The following NKAIN2 variants were observed in gnomAD, a reference collection of about 807,000 sequenced individuals.
NKAIN2 encodes sodium/potassium transporting ATPase interacting 2.
In NKAIN2, 14 loss-of-function variants were observed where a neutral mutation model predicts 32.6. The ratio of observed to expected loss-of-function variants is 0.43; its 90% CI spans 0.28 to 0.67. The LOEUF (loss-of-function observed/expected upper bound fraction) is 0.67. Ranked by LOEUF, NKAIN2 falls within the 30% of genes least tolerant of loss-of-function variation. The probability of loss-of-function intolerance (pLI) is 0.17; values close to 1 mark genes in which losing one functional copy is unlikely to be tolerated. For synonymous variants in NKAIN2, 80 were observed against 87.2 expected, an observed-to-expected ratio of 0.92 and a Z score of 0.46; for missense variants, 198 against 258.3, an observed-to-expected ratio of 0.77 and a Z score of 1.60.
chr6:123,879,507 A>G (rs1027679873), intron 1 of NKAIN2, among the ~76,000 whole-genome samples: 6 of 152,310 alleles, frequency 3.9e-5, no homozygotes, highest in Middle Eastern at 3.4e-3. Context: ...TTAGTGCTCC[A>G]GGTTATTGAC....
chr6:124,304,009 G>A (rs1346111955), intron 2 of NKAIN2, among the ~76,000 whole-genome samples: 1 of 152,188 alleles, frequency 6.6e-6, no homozygotes, highest in Non-Finnish European at 1.5e-5. Flanking sequence ...GGCAAACCAA[G>A]TTTTGGCATG....
chr6:124,515,199 A>G (rs1778857927), intron 3 of NKAIN2, among the ~76,000 whole-genome samples: 1 of 152,074 alleles, frequency 6.6e-6, no homozygotes. Context: ...ACTTTAAATC[A>G]TTCTGCCTTG....
intron 3 of NKAIN2, among the ~76,000 whole-genome samples, chr6:124,565,398 A>G (rs867255324): frequency 1.6e-4 from 25 of 152,222 alleles, no homozygotes; most frequent in African/African-American, 5.8e-4. Context: ...AGGGCAAAAT[A>G]TAATCCAAAC....
intron 3 of NKAIN2, among the ~76,000 whole-genome samples, chr6:124,410,774 T>C (rs1225109315): frequency 2.0e-5 from 3 of 152,190 alleles, no homozygotes; most frequent in Non-Finnish European, 4.4e-5. Context: ...TCTCGATCTG[T>C]CTAATGTTGA....
chr6:123,816,984 C>T (rs1254981837), intron 1 of NKAIN2, among the ~76,000 whole-genome samples: 2 of 152,016 alleles, frequency 1.3e-5, no homozygotes, highest in Non-Finnish European at 2.9e-5. Context: ...CTAAGAGGAA[C>T]ACAGTGAGGA....
intron 2 of NKAIN2, among the ~76,000 whole-genome samples, chr6:124,286,343 T>G (rs1418881755): frequency 2.0e-5 from 3 of 152,118 alleles, no homozygotes; most frequent in Non-Finnish European, 4.4e-5. Context: ...CGTCTTTTTT[T>G]GTGAATCATT....
At chr6:123,938,445 TATATATAC>T (rs1208646550) in intron 1 of NKAIN2, among the ~76,000 whole-genome samples, 5 of 46,236 alleles carry the variant, frequency 1.1e-4, no homozygotes, top group Non-Finnish European at 1.9e-4. Flanking sequence ...TATATATATA[TATATATAC>T]ACACACACAC....
At chr6:124,704,945 A>G (rs73770542) in intron 4 of NKAIN2, among the ~76,000 whole-genome samples, 9,683 of 152,054 alleles carry the variant, frequency 0.064, 364 homozygotes, top group African/African-American at 0.1. Flanking sequence ...TTCTGTGAAT[A>G]TATTTATTTA....
Position 124,153,932 on chromosome 6 carries a change from TCC to T in NKAIN2, c.55-129072_55-129071del, listed in dbSNP as rs1491298495. 5.3e-5 allele frequency among the ~76,000 whole-genome samples: 3 copies of T among 56,760 alleles called. No homozygotes were observed. In the South Asian group the frequency reaches 3.2e-3, roughly 61 times the overall value. The allele number at this position is 56,760 out of a possible 152,430, so 37.2% of individuals were successfully genotyped here. On this transcript the variant is annotated intron_variant, in intron 1 of 6. Transcript: ENST00000368417. ...TGGAAAGCATTCATATGTTATCTAT[TCC>T]TTTTTTTTTTGTAGTTATTTCTTAT...
chr6:124,155,770 G>A (rs1481365902), intron 1 of NKAIN2, among the ~76,000 whole-genome samples: 3 of 152,132 alleles, frequency 2.0e-5, no homozygotes, highest in African/African-American at 7.2e-5. Flanking sequence ...GATAATTGAC[G>A]TATAGTGAAT....
In NKAIN2 at chr6:124,788,368, C is replaced by A. The variant is rs112729271; in HGVS notation, c.475-2971C>A. Among the ~76,000 whole-genome samples the A allele has an allele frequency of 7.6e-4, 115 of 152,164 alleles. 1 individual carries two copies. Among genetic ancestry groups the A allele is most frequent in the African/African-American group, 2.6e-3 (107 of 41,560 alleles). On this transcript the variant is annotated intron_variant, in intron 4 of 6. Coordinates refer to ENST00000368417, the MANE Select transcript of NKAIN2 (RefSeq NM_001040214.3). Reference sequence around the variant, plus strand: ...AATCTGCTTTAGTTCATCATTGTAGCCCAGGTAGCAATTAGAAGAGTTGCA... The same window carrying A: ...AATCTGCTTTAGTTCATCATTGTAGACCAGGTAGCAATTAGAAGAGTTGCA...
chr6:123,921,059 A>C, intron 1 of NKAIN2, among the ~76,000 whole-genome samples: 1 of 152,206 alleles, frequency 6.6e-6, no homozygotes, highest in East Asian at 1.9e-4. Context: ...GTATTTTCTC[A>C]CAGTGGACAA....
chr6:124,026,418 A>G (rs972970368), intron 1 of NKAIN2, among the ~76,000 whole-genome samples: 1 of 152,188 alleles, frequency 6.6e-6, no homozygotes, highest in Admixed American at 6.5e-5. Context: ...GTAACTCTTT[A>G]TGAATATTAC....
chr6:124,269,831 A>G (rs1163147566), intron 1 of NKAIN2, among the ~76,000 whole-genome samples: 1 of 152,036 alleles, frequency 6.6e-6, no homozygotes, highest in Non-Finnish European at 1.5e-5. Flanking sequence ...AGCGATCTCA[A>G]TAACAGTTCT....
intron 1 of NKAIN2, among the ~76,000 whole-genome samples, chr6:124,214,848 A>C (rs1450680038): frequency 6.6e-6 from 1 of 152,232 alleles, no homozygotes; most frequent in African/African-American, 2.4e-5. Flanking sequence ...TCAGACATTT[A>C]TCCAGACTAT....
At chr6:124,018,268 C>G (rs1780683969) in intron 1 of NKAIN2, among the ~76,000 whole-genome samples, 1 of 152,092 alleles carries the variant, frequency 6.6e-6, no homozygotes, top group Admixed American at 6.6e-5. Context: ...TGAGACCAGC[C>G]CAAGAAACCA....
chr6:124,374,760 TATAAC>T (rs1364733508), intron 3 of NKAIN2, among the ~76,000 whole-genome samples: 116 of 152,228 alleles, frequency 7.6e-4, no homozygotes, highest in African/African-American at 2.7e-3. Context: ...ACTGGGAAAA[TATAAC>T]AACCTAACTA....
chr6:124,656,557 T>C (rs1452620470), intron 3 of NKAIN2, among the ~76,000 whole-genome samples: 2 of 151,986 alleles, frequency 1.3e-5, no homozygotes, highest in Admixed American at 6.6e-5. Flanking sequence ...CTCGAGACAC[T>C]TTTCTGGGGT....
intron 1 of NKAIN2, among the ~76,000 whole-genome samples, chr6:123,942,830 T>G (rs1472392525): frequency 6.6e-6 from 1 of 152,036 alleles, no homozygotes; most frequent in Non-Finnish European, 1.5e-5. Context: ...GGCATCTGTT[T>G]TAAAGGACTC....
Sources: allele counts gnomAD v4.1 joint callset (sites outside exome capture counted in the v4.1 genomes callset), GRCh38; gene constraint gnomAD v4.1.1; transcripts MANE v1.5; gene names NCBI Gene and HGNC (gene_info 2026-07-23, HGNC 2026-07-21).